Variants in COL18A1 observed in about 807,000 individuals in gnomAD.
The protein encoded by COL18A1 is collagen type XVIII alpha 1 chain, also known as collagen alpha-1(XVIII) chain.
COL18A1 carries 133 observed loss-of-function variants against 168.0 expected under a neutral mutation model. The ratio of observed to expected loss-of-function variants is 0.79; its 90% CI spans 0.69 to 0.91. The LOEUF (loss-of-function observed/expected upper bound fraction) is 0.91. COL18A1 is among the 40% of genes least tolerant of loss of function. The probability of loss-of-function intolerance (pLI) is 0.00; values close to 1 mark genes in which losing one functional copy is unlikely to be tolerated. For missense variants in COL18A1, 2,126 were observed against 1,925.4 expected (o/e 1.10, Z -1.95); for synonymous variants, 949 against 809.0 (o/e 1.17, Z -2.94).
At chr21:45,476,544 TTGTG>T (rs1402936336) in intron 6 of COL18A1, 64 bp downstream of exon 6, 12 of 1,534,758 alleles carry the variant, frequency 7.8e-6, no homozygotes, top group Non-Finnish European at 1.1e-5. Context: ...TAACGTGTGT[TTGTG>T]TGATGGTGAG....
chr21:45,483,349 C>T (rs981408614), intron 15 of COL18A1, among the ~76,000 whole-genome samples: 5 of 152,232 alleles, frequency 3.3e-5, no homozygotes, highest in Non-Finnish European at 7.3e-5. Flanking sequence ...TGGCCTGGCC[C>T]AGAGTCTGCT....
rs886225874 is a variant in COL18A1 at position 45,504,147 on chromosome 21, C to T, written c.2727+93C>T. 1.3e-5 allele frequency: 19 copies of T among 1,434,656 alleles called. No homozygotes were observed. In the Middle Eastern group the frequency reaches 6.7e-4, roughly 50 times the overall value. 88.9% of individuals were successfully genotyped at this position (1,434,656 alleles called of 1,614,324 possible). A position where few individuals can be genotyped will look rare whatever the true frequency, so the allele number is the denominator to read the frequency against. The stretch of plus-strand genomic sequence containing the variant: ...AATTTCTCGCCCCATCCGGCCCAAG[C>T]CCCCTTCCTGTTCAGCCCTGCGAGG... On this transcript the variant is annotated intron_variant, in intron 33 of 41. Transcript: ENST00000651438.
At chr21:45,484,209 GCACACACATCTCCAGCATATGTGCA>G (rs2145952648) in intron 15 of COL18A1, among the ~76,000 whole-genome samples, 1 of 94,830 alleles carries the variant, frequency 1.1e-5, no homozygotes, top group African/African-American at 4.3e-5. Context: ...ACACACATAG[GCACACACATCTCCAGCATATGTGCA>G]CACACACCTC....
rs868157676 is a variant in COL18A1 at position 45,442,835 on chromosome 21, C to T, written c.107-25407C>T. On this transcript the variant is annotated intron_variant, in intron 2 of 41. Transcript: ENST00000651438. ...TGGGCGGAGGTCCTGGTGTGGGCGG[C>T]GGTCCTGGTGTGGGCGGAGGTCCTG... Among the ~76,000 whole-genome samples, 36 of 136,086 alleles carry T rather than the reference C, an allele frequency of 2.6e-4. 2 individuals carry two copies. Among genetic ancestry groups the T allele is most frequent in the African/African-American group, 7.9e-4 (28 of 35,330 alleles). The allele number at this position is 136,086 out of a possible 152,430, so 89.3% of individuals were successfully genotyped here. A position where few individuals can be genotyped will look rare whatever the true frequency, so the allele number is the denominator to read the frequency against.
intron 2 of COL18A1, among the ~76,000 whole-genome samples, chr21:45,422,057 C>T (rs541969517): frequency 1.4e-4 from 21 of 152,194 alleles, no homozygotes; most frequent in Admixed American, 3.3e-4. Context: ...CACAGGCTCA[C>T]GCACACACAG....
intron 13 of COL18A1, among the ~76,000 whole-genome samples, chr21:45,481,426 C>T (rs1266953196): frequency 1.3e-5 from 2 of 152,186 alleles, no homozygotes; most frequent in African/African-American, 2.4e-5. Context: ...ACTGGCATCC[C>T]GTGGCCTGGG....
At chr21:45,461,516 G>A (rs1265027632) in intron 2 of COL18A1, among the ~76,000 whole-genome samples, 1 of 152,096 alleles carries the variant, frequency 6.6e-6, no homozygotes, top group Non-Finnish European at 1.5e-5. Flanking sequence ...GTCTCCTGGT[G>A]CCCCCCTGCA....
intron 15 of COL18A1, among the ~76,000 whole-genome samples, chr21:45,486,067 C>T (rs1235495906): frequency 1.3e-5 from 2 of 152,238 alleles, no homozygotes; most frequent in Non-Finnish European, 2.9e-5. Flanking sequence ...TCACGCCCCC[C>T]ACACCGGGCT....
intron 8 of COL18A1, 121 bp from the exon 9 acceptor site, chr21:45,478,205 TC>T: frequency 7.5e-7 from 1 of 1,337,582 alleles, no homozygotes; most frequent in African/African-American, 1.4e-5. Context: ...TGCGAGGACA[TC>T]GGGGGAAGGC....
At chr21:45,426,397 G>C (rs979226739) in intron 2 of COL18A1, among the ~76,000 whole-genome samples, 1 of 152,202 alleles carries the variant, frequency 6.6e-6, no homozygotes, top group Non-Finnish European at 1.5e-5. Flanking sequence ...GAGCCACCGA[G>C]CCTGGCCTGG....
intron 29 of COL18A1, chr21:45,496,069 GCCATGCCCTCCATGCCCTCTATGCCCT>G (rs1427697516): frequency 1.1e-4 from 37 of 344,434 alleles, no homozygotes; most frequent in Admixed American, 6.6e-4. Flanking sequence ...ATGGGCCTGG[GCCATGCCCTCCATGCCCTCTATGCCCT>G]CCATGCCCTC....
intron 15 of COL18A1, among the ~76,000 whole-genome samples, chr21:45,485,488 CCT>C (rs2145958839): frequency 6.9e-6 from 1 of 144,280 alleles, no homozygotes; most frequent in South Asian, 2.2e-4. Context: ...AGAGCGAGAC[CCT>C]GTGTCCAAAA....
chr21:45,499,761 G>A (rs1428538749), intron 32 of COL18A1, among the ~76,000 whole-genome samples: 1 of 152,234 alleles, frequency 6.6e-6, no homozygotes, highest in Non-Finnish European at 1.5e-5. Flanking sequence ...GCTAACACTG[G>A]TGGAGAGGCA....
At position 45,423,227 on chromosome 21, in the gene COL18A1, A is replaced by C. The variant is rs762196637; in HGVS notation, c.106+17754A>C. On this transcript the variant is annotated intron_variant, in intron 2 of 41. Coordinates refer to ENST00000651438, the MANE Select transcript of COL18A1 (RefSeq NM_001379500.1). The surrounding 1 kb of genome is among the most constrained non-coding windows in gnomAD (Gnocchi z 4.0). ...AGTTGGAAACCATGGCTTATGTTCCATGGTGACATGGTTCTTGAGGGTTAG... is the reference window on the plus strand; with the variant it reads ...AGTTGGAAACCATGGCTTATGTTCCCTGGTGACATGGTTCTTGAGGGTTAG... Among the ~76,000 whole-genome samples the C allele has an allele frequency of 4.5e-4, 69 of 152,142 alleles. 1 individual carries two copies. The highest frequency in any genetic ancestry group is 1.2e-3 in the South Asian group (6 of 4,828).
chr21:45,456,208 G>A (rs1443579036), intron 2 of COL18A1: 2 of 1,606,886 alleles, frequency 1.2e-6, no homozygotes, highest in Non-Finnish European at 1.7e-6. Context: ...TGCTGGGCGG[G>A]GCCCCTCCCT....
In COL18A1 at chr21:45,512,356, C is replaced by T. The variant is rs757660705; in HGVS notation, c.3978C>T (p.Ile1326=). The part of the protein sequence containing the change: ...QSAASCHHAY[I]VLCIENSFMT... ...CCGCGAGCTGCCATCACGCCTACAT[C>T]GTGCTCTGCATTGAGAACAGCTTCA... The change falls in exon 42 of 42, where the codon ATC becomes ATT. Residue 1326 remains isoleucine (I), a synonymous_variant. Transcript: ENST00000651438. 17 of 1,612,646 alleles carry T rather than the reference C, an allele frequency of 1.1e-5. No individual in the cohort carries two copies. The South Asian group carries it at 1.1e-4, about 10-fold the overall frequency.
chr21:45,455,728 C>CCG (rs1468181455), intron 2 of COL18A1: 1 of 1,613,948 alleles, frequency 6.2e-7, no homozygotes, highest in East Asian at 2.2e-5. Context: ...ACGTGACCCC[C>CCG]CGGAATGGTT....
At chr21:45,420,783 A>G (rs1461306439) in intron 2 of COL18A1, 1 of 152,504 alleles carries the variant, frequency 6.6e-6, no homozygotes. Flanking sequence ...CTGGGCCTGC[A>G]GTGGGCAGCC....
chr21:45,486,519 CCTCTCTT>C (rs917662977), intron 15 of COL18A1, among the ~76,000 whole-genome samples: 4 of 132,838 alleles, frequency 3.0e-5, no homozygotes, highest in Non-Finnish European at 6.8e-5. Flanking sequence ...TCTCCTCTCT[CCTCTCTT>C]CTCCCCTTGC....
Sources: gnomAD v4.1 joint callset for allele counts (sites outside exome capture counted in the v4.1 genomes callset) on GRCh38, gnomAD v4.1.1 for gene constraint, Gnocchi (gnomAD v3.1) non-coding constraint, MANE v1.5 for transcripts, NCBI Gene and HGNC (gene_info 2026-07-23, HGNC 2026-07-21) for gene names.